DGKB: variants seen among roughly 807,000 people sequenced by gnomAD.
The protein encoded by DGKB is 90 kDa diacylglycerol kinase.
In DGKB, 67 loss-of-function variants were observed where a neutral mutation model predicts 114.3. The ratio of observed to expected loss-of-function variants is 0.59; its 90% CI spans 0.48 to 0.72. The LOEUF (loss-of-function observed/expected upper bound fraction) is 0.72, where lower values mean the gene tolerates loss of function less well. DGKB is among the 30% of genes least tolerant of loss of function. The pLI is 0.00. For synonymous variants in DGKB, 398 were observed against 323.1 expected, an observed-to-expected ratio of 1.23 and a Z score of -2.49; for missense variants, 907 against 975.2, an observed-to-expected ratio of 0.93 and a Z score of 0.93.
At chr7:14,373,975 A>G (rs1818087690) in intron 21 of DGKB, among the ~76,000 whole-genome samples, 1 of 151,918 alleles carries the variant, frequency 6.6e-6, no homozygotes, top group East Asian at 1.9e-4. Flanking sequence ...TTTAATTCTC[A>G]TTTCCTCTGC....
intron 13 of DGKB, 147 bp downstream of exon 13, chr7:14,672,782 G>A (rs1819184295): frequency 4.3e-6 from 2 of 460,620 alleles, no homozygotes; most frequent in Non-Finnish European, 4.0e-6. Flanking sequence ...GGACAAAGGT[G>A]TTCTGTTTCA....
chr7:14,498,547 G>A (rs903506638), intron 20 of DGKB, among the ~76,000 whole-genome samples: 1 of 151,682 alleles, frequency 6.6e-6, no homozygotes, highest in Non-Finnish European at 1.5e-5. Flanking sequence ...TTAAAATGCA[G>A]GCATCCTTTT....
At chr7:14,333,306 A>G (rs935938076) in intron 23 of DGKB, among the ~76,000 whole-genome samples, 3 of 151,656 alleles carry the variant, frequency 2.0e-5, no homozygotes, top group Admixed American at 6.6e-5. Context: ...AAATACAAAA[A>G]CAAAATTAGC....
rs369321727 is a variant in DGKB, at chr7:14,361,958, T to C, written c.1836-16567A>G. On this transcript the variant is annotated intron_variant, in intron 21 of 25. Coordinates refer to ENST00000402815, the MANE Select transcript of DGKB (RefSeq NM_001350709.2). ...TACATGAGTCAGAACAAAGTGAGAC[T>C]CTTGTCCAGAGAAATAGTACTGCAG... Among the ~76,000 whole-genome samples, 25 of 152,168 alleles carry C rather than the reference T, an allele frequency of 1.6e-4. No homozygotes were observed. The South Asian group carries it at 4.6e-3, about 28-fold the overall frequency.
chr7:14,630,644 C>T (rs1809508447), intron 13 of DGKB, among the ~76,000 whole-genome samples: 1 of 152,020 alleles, frequency 6.6e-6, no homozygotes, highest in Non-Finnish European at 1.5e-5. Context: ...GTCCAACTCT[C>T]ATTCTTTCCT....
intron 15 of DGKB, among the ~76,000 whole-genome samples, chr7:14,614,953 C>G (rs942540152): frequency 6.6e-6 from 1 of 152,062 alleles, no homozygotes; most frequent in African/African-American, 2.4e-5. Flanking sequence ...TGTCTATTAT[C>G]TTTAAGCCAT....
intron 19 of DGKB, among the ~76,000 whole-genome samples, chr7:14,577,938 C>T (rs1355935785): frequency 1.3e-5 from 2 of 152,148 alleles, no homozygotes; most frequent in East Asian, 3.9e-4. Flanking sequence ...GCATAAAGTA[C>T]TTAACACAAA....
chr7:14,676,970 A>G (rs992758927), intron 12 of DGKB, among the ~76,000 whole-genome samples: 4 of 151,682 alleles, frequency 2.6e-5, no homozygotes, highest in Non-Finnish European at 5.9e-5. Flanking sequence ...ATTCCCATTC[A>G]TGTTAAGGGA....
intron 25 of DGKB, among the ~76,000 whole-genome samples, chr7:14,170,134 C>CAAAAAA (rs762339951): frequency 9.1e-5 from 3 of 33,088 alleles, no homozygotes; most frequent in Non-Finnish European, 1.8e-4. Flanking sequence ...AACTCCATCT[C>CAAAAAA]AAAAAAAAAA....
At chr7:14,548,929 A>G (rs1794708781) in intron 20 of DGKB, among the ~76,000 whole-genome samples, 1 of 152,030 alleles carries the variant, frequency 6.6e-6, no homozygotes, top group African/African-American at 2.4e-5. Flanking sequence ...GATCAGTTCT[A>G]GATGAGTGAT....
At chr7:14,262,283 C>T (rs1796891550) in intron 23 of DGKB, among the ~76,000 whole-genome samples, 1 of 152,130 alleles carries the variant, frequency 6.6e-6, no homozygotes, top group African/African-American at 2.4e-5. Context: ...CCTCAAAATT[C>T]ATATGTTAAA....
rs558219820 is a variant in DGKB, at chr7:14,462,089, A to G, written c.1835+16072T>C. Among the ~76,000 whole-genome samples, 57 of 152,356 alleles carry G rather than the reference A, an allele frequency of 3.7e-4. 1 individual carries two copies. In the South Asian group the frequency reaches 0.011, roughly 30 times the overall value. On this transcript the variant is annotated intron_variant, in intron 21 of 25. Coordinates refer to ENST00000402815, the MANE Select transcript of DGKB (RefSeq NM_001350709.2). ...GCTAAAAACTCTCAATAAACTGGGTATTGATGGAATGTATCTCAAAATAAT... is the reference window on the plus strand; with the variant it reads ...GCTAAAAACTCTCAATAAACTGGGTGTTGATGGAATGTATCTCAAAATAAT...
At chr7:14,263,027 C>T (rs1199649742) in intron 23 of DGKB, among the ~76,000 whole-genome samples, 1 of 151,934 alleles carries the variant, frequency 6.6e-6, no homozygotes. Flanking sequence ...AAGGGCTGCA[C>T]ATTCTATCTT....
chr7:14,236,164 G>T (rs1792744288), intron 23 of DGKB, among the ~76,000 whole-genome samples: 1 of 151,848 alleles, frequency 6.6e-6, no homozygotes, highest in African/African-American at 2.4e-5. Context: ...ATTACAGATA[G>T]TATTTGAAAG....
chr7:14,763,553 C>A (rs560195817), intron 2 of DGKB, among the ~76,000 whole-genome samples: 1 of 152,112 alleles, frequency 6.6e-6, no homozygotes, highest in South Asian at 2.1e-4. Flanking sequence ...GTATATGACC[C>A]AAACCCATTC....
At chr7:14,156,077 G>A (rs762112475) in intron 25 of DGKB, among the ~76,000 whole-genome samples, 1 of 152,030 alleles carries the variant, frequency 6.6e-6, no homozygotes, top group Non-Finnish European at 1.5e-5. Flanking sequence ...AGTCAGAGAG[G>A]TAGGAGAAAA....
At chr7:14,685,186 A>G in intron 10 of DGKB, 59 bp downstream of exon 10, 1 of 1,137,744 alleles carries the variant, frequency 8.8e-7, no homozygotes, top group Non-Finnish European at 1.3e-6. Flanking sequence ...AGACTATTCC[A>G]TGAAATCAAC....
At chr7:14,906,161 C>A (rs769604804), upstream of DGKB, among the ~76,000 whole-genome samples, 1 of 151,950 alleles carries the variant, frequency 6.6e-6, no homozygotes. Context: ...TCTCTCTACT[C>A]CCCTTTTGAC....
intron 20 of DGKB, among the ~76,000 whole-genome samples, chr7:14,505,403 GA>G (rs995747829): frequency 2.0e-5 from 3 of 151,462 alleles, no homozygotes; most frequent in African/African-American, 7.3e-5. Context: ...GCAGTGAGCA[GA>G]GATTGTGCCA....
Sources: gnomAD v4.1 joint callset for allele counts (sites outside exome capture counted in the v4.1 genomes callset) on GRCh38, gnomAD v4.1.1 for gene constraint, MANE v1.5 for transcripts, NCBI Gene and HGNC (gene_info 2026-07-23, HGNC 2026-07-21) for gene names.